Variants in CACNA1E observed in about 807,000 individuals in gnomAD.
CACNA1E encodes calcium voltage-gated channel subunit alpha1 E.
In CACNA1E, 40 loss-of-function variants were observed where a neutral mutation model predicts 259.2. That is an observed-to-expected ratio of 0.15 (90% CI 0.12 to 0.20). CACNA1E has a LOEUF of 0.20. CACNA1E is among the 10% of genes least tolerant of loss of function. The probability of loss-of-function intolerance (pLI) is 1.00; values close to 1 mark genes in which losing one functional copy is unlikely to be tolerated. For synonymous variants in CACNA1E, 1,104 were observed against 1,138.5 expected (o/e 0.97, Z 0.61); for missense variants, 1,874 against 3,040.1 (o/e 0.62, Z 9.02).
chr1:181,610,456 A>G (rs1238904885), intron 6 of CACNA1E, among the ~76,000 whole-genome samples: 1 of 152,214 alleles, frequency 6.6e-6, no homozygotes, highest in African/African-American at 2.4e-5. Flanking sequence ...TGGTCTATAA[A>G]AGACAGCTAC....
intron 1 of CACNA1E, among the ~76,000 whole-genome samples, chr1:181,365,088 G>T (rs901559087): frequency 1.3e-5 from 2 of 152,222 alleles, no homozygotes; most frequent in Non-Finnish European, 2.9e-5. Flanking sequence ...GGTAGTGCTG[G>T]TTAACACTCC....
chr1:181,726,916 T>C (rs1654962445), intron 18 of CACNA1E, among the ~76,000 whole-genome samples: 1 of 151,922 alleles, frequency 6.6e-6, no homozygotes, highest in South Asian at 2.1e-4. Flanking sequence ...AGCTCATGGA[T>C]TAAATGTGGC....
At chr1:181,510,395 A>C in intron 1 of CACNA1E, 82 bp from the exon 2 acceptor site, 4 of 865,566 alleles carry the variant, frequency 4.6e-6, no homozygotes, top group Non-Finnish European at 7.8e-6. Context: ...GCGGGTTGAT[A>C]GAGTTGTGTG....
intron 3 of CACNA1E, among the ~76,000 whole-genome samples, chr1:181,568,373 T>C (rs771217344): frequency 1.8e-4 from 27 of 152,180 alleles, no homozygotes; most frequent in Non-Finnish European, 3.5e-4. Context: ...CACCCAGTTA[T>C]GGCAACTGGG....
At chr1:181,746,387 A>C (rs566231706) in intron 25 of CACNA1E, among the ~76,000 whole-genome samples, 1 of 152,354 alleles carries the variant, frequency 6.6e-6, no homozygotes, top group East Asian at 1.9e-4. Context: ...AGGTTTGACT[A>C]GTCTGACTCA....
chr1:181,530,366 G>T (rs1667689097), intron 3 of CACNA1E, among the ~76,000 whole-genome samples: 2 of 151,938 alleles, frequency 1.3e-5, no homozygotes, highest in Admixed American at 1.3e-4. Context: ...TTTTTTGCAG[G>T]CTTATAAGCA....
Position 181,772,148 on chromosome 1 carries a change from T to C in CACNA1E, c.5056T>C (p.Ser1686Pro). The C allele has an allele frequency of 4.3e-6, 7 of 1,613,942 alleles. No homozygotes were observed. The highest frequency in any genetic ancestry group is 5.9e-6 in the Non-Finnish European group (7 of 1,179,842). Residue 1686 changes from serine to proline, a missense_variant, in exon 37 of 48, where the codon TCA (serine) becomes CCA (proline). Coordinates refer to ENST00000367573, the MANE Select transcript of CACNA1E (RefSeq NM_001205293.3). Reference sequence around the variant, plus strand: ...CTGTGAGCCTGACACCACCGCACCATCAGGGCAGAACGAGAACGAACGCTG... The same window carrying C: ...CTGTGAGCCTGACACCACCGCACCACCAGGGCAGAACGAGAACGAACGCTG... ...KGCEPDTTAP[S>P]GQNENERCGT...
intron 38 of CACNA1E, among the ~76,000 whole-genome samples, chr1:181,781,168 G>T (rs1301356628): frequency 6.6e-6 from 1 of 152,136 alleles, no homozygotes; most frequent in Non-Finnish European, 1.5e-5. Flanking sequence ...TCTGTGTGGG[G>T]CGTGATATAA....
At chr1:181,511,838 A>G (rs1377398724) in intron 3 of CACNA1E, among the ~76,000 whole-genome samples, 3 of 152,202 alleles carry the variant, frequency 2.0e-5, no homozygotes, top group Admixed American at 6.5e-5. Context: ...ACATTTCCCA[A>G]TGAGCCTTTT....
chr1:181,720,423 A>G (rs1654314105), intron 14 of CACNA1E, 86 bp downstream of exon 14: 1 of 1,418,056 alleles, frequency 7.1e-7, no homozygotes, highest in Non-Finnish European at 9.6e-7. Context: ...CTCAATCACC[A>G]TGTTACTATC....
At chr1:181,792,962 A>AT (rs1490077471) in intron 44 of CACNA1E, among the ~76,000 whole-genome samples, 1 of 151,866 alleles carries the variant, frequency 6.6e-6, no homozygotes, top group African/African-American at 2.4e-5. Flanking sequence ...AATATAAACT[A>AT]TCTAATTTTT....
rs1476634779 is a variant in CACNA1E, at chr1:181,803,529, G to A, written c.*4695G>A. On this transcript the variant is annotated 3_prime_UTR_variant, in exon 48 of 48. Coordinates refer to ENST00000367573, the MANE Select transcript of CACNA1E (RefSeq NM_001205293.3). ...TTCCTGAACCACCCTGTACATCATAGCCAGGTCTACCCCAAATAGAGCAGC... is the reference window on the plus strand; with the variant it reads ...TTCCTGAACCACCCTGTACATCATAACCAGGTCTACCCCAAATAGAGCAGC... 6.6e-6 allele frequency: 1 copy of A among 152,124 alleles called. No individual in the cohort carries two copies. Among genetic ancestry groups the A allele is most frequent in the African/African-American group, 2.4e-5 (1 of 41,408 alleles). 9.4% of individuals were successfully genotyped at this position (152,124 alleles called of 1,614,324 possible).
chr1:181,732,235 C>T lies in CACNA1E; in HGVS notation c.2298-149C>T, dbSNP rs1365208065. On this transcript the variant is annotated intron_variant, in intron 19 of 47. Coordinates refer to ENST00000367573, the MANE Select transcript of CACNA1E (RefSeq NM_001205293.3). This position sits in a 1 kb window ranked among gnomAD's most constrained non-coding sequence, Gnocchi z 5.5. ...CCTCACGTGTGGCCCGCCTGCTCCT[C>T]GCATCTTTCTGTGCTTCCTGTCTGC... 81 of 1,254,740 alleles carry T rather than the reference C, an allele frequency of 6.5e-5. No individual in the cohort carries two copies. Among genetic ancestry groups the T allele is most frequent in the African/African-American group, 9.3e-5 (6 of 64,186 alleles). 77.7% of individuals were successfully genotyped at this position (1,254,740 alleles called of 1,614,324 possible).
intron 22 of CACNA1E, among the ~76,000 whole-genome samples, 180 bp downstream of exon 22, chr1:181,736,614 TAGTC>T (rs1220485181): frequency 6.6e-6 from 1 of 152,146 alleles, no homozygotes; most frequent in Non-Finnish European, 1.5e-5. Flanking sequence ...GTTGGTAAGT[TAGTC>T]AGCCTCTGAA....
rs1030068510 is a variant in CACNA1E, at chr1:181,738,548, T to G, written c.3612+122T>G. The G allele has an allele frequency of 5.2e-6, 4 of 763,950 alleles. No individual in the cohort carries two copies. The African/African-American group carries it at 5.2e-5, about 10-fold the overall frequency. The allele number at this position is 763,950 out of a possible 1,614,324, so 47.3% of individuals were successfully genotyped here. A position where few individuals can be genotyped will look rare whatever the true frequency, so the allele number is the denominator to read the frequency against. On this transcript the variant is annotated intron_variant, in intron 24 of 47. Coordinates refer to ENST00000367573, the MANE Select transcript of CACNA1E (RefSeq NM_001205293.3). ...GCCAATGGCAGCCCTCAGTAGAGCT[T>G]CTGCCGCCCCTTCTCTGGCCTCAGA...
At position 181,394,921 on chromosome 1, in the gene CACNA1E, G is replaced by T. The variant is rs181633091; in HGVS notation, c.-14-18212G>T. Among the ~76,000 whole-genome samples the T allele has an allele frequency of 4.6e-5, 7 of 152,292 alleles. No homozygotes were observed. In the East Asian group the frequency reaches 1.3e-3, roughly 29 times the overall value. ...GGGAAGTAACAGGAAGCCAGATGGTGCAGGGCCTTGCTGACCACTGGGAGG... is the reference window on the plus strand; with the variant it reads ...GGGAAGTAACAGGAAGCCAGATGGTTCAGGGCCTTGCTGACCACTGGGAGG... On this transcript the variant is annotated intron_variant, in intron 1 of 11. Coordinates refer to the CACNA1E transcript ENST00000524607.
chr1:181,528,772 G>A (rs569741161), intron 3 of CACNA1E, among the ~76,000 whole-genome samples: 5 of 152,168 alleles, frequency 3.3e-5, no homozygotes, highest in African/African-American at 1.2e-4. Flanking sequence ...AGATGATTTA[G>A]GGTGTCTGGT....
chr1:181,344,619 C>T (rs776897271), intron 1 of CACNA1E, among the ~76,000 whole-genome samples: 19 of 152,148 alleles, frequency 1.2e-4, no homozygotes, highest in Non-Finnish European at 1.9e-4. Flanking sequence ...ATGCTCTTTG[C>T]CCTAGGGACA....
chr1:181,766,386 A>G (rs1440197873), intron 34 of CACNA1E, among the ~76,000 whole-genome samples, 160 bp from the exon 35 acceptor site: 1 of 152,162 alleles, frequency 6.6e-6, no homozygotes, highest in Non-Finnish European at 1.5e-5. Context: ...TGCCTGAGAA[A>G]GTACTACACC....
Sources: allele counts gnomAD v4.1 joint callset (sites outside exome capture counted in the v4.1 genomes callset), GRCh38; gene constraint gnomAD v4.1.1; non-coding constraint Gnocchi (gnomAD v3.1); transcripts MANE v1.5; gene names NCBI Gene and HGNC (gene_info 2026-07-23, HGNC 2026-07-21).